IGFBPL1: variants seen among roughly 807,000 people sequenced by gnomAD.
The protein encoded by IGFBPL1 is insulin-like growth factor-binding protein-like 1.
In IGFBPL1, 20 loss-of-function variants were observed where a neutral mutation model predicts 23.9. That is an observed-to-expected ratio of 0.84 (90% CI 0.59 to 1.22). The LOEUF (loss-of-function observed/expected upper bound fraction) is 1.22, where lower values mean the gene tolerates loss of function less well. Among genes scored for constraint, IGFBPL1 ranks in the 50% most tolerant of loss-of-function variants. The pLI, the probability that IGFBPL1 is intolerant of heterozygous loss-of-function variation, is 0.00. For missense variants in IGFBPL1, 436 were observed against 379.3 expected (o/e 1.15, Z -1.24); for synonymous variants, 184 against 171.8 (o/e 1.07, Z -0.56).
intron 2 of IGFBPL1, 59 bp downstream of exon 2, chr9:38,414,035 A>ACT: frequency 2.1e-6 from 1 of 479,796 alleles, no homozygotes; most frequent in Admixed American, 4.2e-5. Flanking sequence ...CCTCTTTCTC[A>ACT]CACACACACA....
intron 1 of IGFBPL1, 100 bp from the exon 2 acceptor site, chr9:38,414,303 G>T: frequency 1.5e-6 from 1 of 664,010 alleles, no homozygotes; most frequent in South Asian, 1.8e-5. Context: ...GTGATGTCCT[G>T]ACATGAGGGG....
At chr9:38,411,207 G>C (rs1428365789) in intron 4 of IGFBPL1, among the ~76,000 whole-genome samples, 184 bp downstream of exon 4, 1 of 152,186 alleles carries the variant, frequency 6.6e-6, no homozygotes, top group Non-Finnish European at 1.5e-5. Context: ...AGCTCAGAGG[G>C]AGATGTGTGC....
intron 4 of IGFBPL1, among the ~76,000 whole-genome samples, chr9:38,411,042 A>C (rs2118298876): frequency 6.6e-6 from 1 of 152,202 alleles, no homozygotes; most frequent in Non-Finnish European, 1.5e-5. Flanking sequence ...ACATTTTCAC[A>C]TGGACGCTGT....
Position 38,407,247 on chromosome 9 carries a change from T to C in IGFBPL1, c.*1980A>G, listed in dbSNP as rs1821440953. On this transcript the variant is annotated 3_prime_UTR_variant, in exon 5 of 5. Coordinates refer to ENST00000377694, the MANE Select transcript of IGFBPL1 (RefSeq NM_001007563.3). ...CCATTTCAATTCTCATCTTTTGTTT[T>C]CAAAGAGAGCTTCCAGTGTTTTAAA... Among the ~76,000 whole-genome samples the C allele has an allele frequency of 6.6e-6, 1 of 152,236 alleles. No individual in the cohort carries two copies. The highest frequency in any genetic ancestry group is 2.1e-4 in the South Asian group (1 of 4,836).
chr9:38,413,885 G>C (rs1402450178), intron 2 of IGFBPL1, among the ~76,000 whole-genome samples: 1 of 152,152 alleles, frequency 6.6e-6, no homozygotes, highest in Non-Finnish European at 1.5e-5. Context: ...CTTCCAAGGG[G>C]AGAGGTTTGG....
Position 38,408,298 on chromosome 9 carries a change from C to T in IGFBPL1, c.*929G>A, listed in dbSNP as rs1189212079. Among the ~76,000 whole-genome samples the T allele has an allele frequency of 7.0e-6, 1 of 143,482 alleles. No individual in the cohort carries two copies. Among genetic ancestry groups the T allele is most frequent in the Non-Finnish European group, 1.5e-5 (1 of 65,670 alleles). 94.1% of individuals were successfully genotyped at this position (143,482 alleles called of 152,430 possible). On this transcript the variant is annotated 3_prime_UTR_variant, in exon 5 of 5. Transcript: ENST00000377694. ...AAAAAAATAGCTGGGTGTGGTGGGG[C>T]ATGCCTGTGGTCCCAGCTACTCAGG...
At chr9:38,418,030 T>C (rs12378510) in intron 1 of IGFBPL1, among the ~76,000 whole-genome samples, 43,883 of 152,156 alleles carry the variant, frequency 0.29, 6,468 homozygotes, top group South Asian at 0.31. Context: ...GAGGATATGG[T>C]CGCAGGCCTG....
At position 38,413,366 on chromosome 9, in the gene IGFBPL1, G is replaced by C. The variant is rs200524351; in HGVS notation, c.571-13C>G. 6.5e-6 allele frequency: 10 copies of C among 1,545,450 alleles called. No individual in the cohort carries two copies. Among genetic ancestry groups the C allele is most frequent in the South Asian group, 4.5e-5 (4 of 88,750 alleles). The stretch of plus-strand genomic sequence containing the variant: ...GGGACTTCGTGACCTACAGGGGACA[G>C]GAATGCCAGGAGGGGGCTTAGAAAA... On this transcript the variant is annotated splice_polypyrimidine_tract_variant and intron_variant, in intron 2 of 4. Transcript: ENST00000377694.
chr9:38,415,062 A>G (rs1821580800), intron 1 of IGFBPL1, among the ~76,000 whole-genome samples: 1 of 152,234 alleles, frequency 6.6e-6, no homozygotes, highest in African/African-American at 2.4e-5. Flanking sequence ...GTGTTGGGCA[A>G]CGTGCAGTGT....
chr9:38,406,926 C>G lies in IGFBPL1; in HGVS notation c.*2301G>C, dbSNP rs765074501. On this transcript the variant is annotated 3_prime_UTR_variant, in exon 5 of 5. Transcript: ENST00000377694. ...GCCCTTCAGTTTTCACTAGGCAAAT[C>G]TGAGGTGAGTCAACTGAGTTTGCAA... Among the ~76,000 whole-genome samples the G allele has an allele frequency of 6.6e-6, 1 of 152,246 alleles. No homozygotes were observed. Among genetic ancestry groups the G allele is most frequent in the Non-Finnish European group, 1.5e-5 (1 of 68,050 alleles).
intron 3 of IGFBPL1, among the ~76,000 whole-genome samples, chr9:38,412,576 C>T (rs770035585): frequency 2.6e-5 from 4 of 152,182 alleles, no homozygotes; most frequent in Non-Finnish European, 4.4e-5. Context: ...TGTACTAGTT[C>T]CTTGGGCTGC....
Position 38,411,651 on chromosome 9 carries a change from G to T in IGFBPL1, c.688-102C>A, listed in dbSNP as rs1821514923. ...AAGTCTGCACACTTCCTCCTTTTCAGAATAAGGTAAAACTTGCTCTATTTC... is the reference window on the plus strand; with the variant it reads ...AAGTCTGCACACTTCCTCCTTTTCATAATAAGGTAAAACTTGCTCTATTTC... On this transcript the variant is annotated intron_variant, in intron 3 of 4. Coordinates refer to ENST00000377694, the MANE Select transcript of IGFBPL1 (RefSeq NM_001007563.3). 2.9e-6 allele frequency: 3 copies of T among 1,032,278 alleles called. No homozygotes were observed. In the South Asian group the frequency reaches 4.8e-5, roughly 16 times the overall value. The allele number at this position is 1,032,278 out of a possible 1,614,324, so 63.9% of individuals were successfully genotyped here. A position where few individuals can be genotyped will look rare whatever the true frequency, so the allele number is the denominator to read the frequency against.
In IGFBPL1 at chr9:38,424,106, C is replaced by G. The variant is rs922949764; in HGVS notation, c.319G>C (p.Val107Leu). 2.2e-6 allele frequency: 3 copies of G among 1,351,250 alleles called. No individual in the cohort carries two copies. The highest frequency in any genetic ancestry group is 1.9e-6 in the Non-Finnish European group (2 of 1,053,338). 83.7% of individuals were successfully genotyped at this position (1,351,250 alleles called of 1,614,324 possible). ...CAGACGGTGCCGCGCTGCGCGCACA[C>G]GCAGAGCCCGGTGCCCTCGGGCGCT... Reference protein sequence around the residue: ...GAAPEGTGLCVCAQRGTVCGS... With the variant: ...GAAPEGTGLCLCAQRGTVCGS... The change falls in exon 1 of 5, where the codon GTG becomes CTG. Residue 107 changes from valine to leucine, a missense_variant. Physicochemically the swap from Val to Leu is conservative, Grantham distance 32. Transcript: ENST00000377694.
At position 38,407,930 on chromosome 9, in the gene IGFBPL1, T is replaced by TA. The variant is rs1821451430; in HGVS notation, c.*1296_*1297insT. Among the ~76,000 whole-genome samples the TA allele has an allele frequency of 6.8e-6, 1 of 147,248 alleles. No homozygotes were observed. The highest frequency in any genetic ancestry group is 2.5e-5 in the African/African-American group (1 of 40,280). ...TTTTTTTAAGATAAGATAGCAAATA[T>TA]TCTCCTTTCTTTTTTCATTAAAAAA... On this transcript the variant is annotated 3_prime_UTR_variant, in exon 5 of 5. Coordinates refer to ENST00000377694, the MANE Select transcript of IGFBPL1 (RefSeq NM_001007563.3).
intron 3 of IGFBPL1, among the ~76,000 whole-genome samples, chr9:38,412,769 G>C (rs961874959): frequency 1.2e-4 from 18 of 152,174 alleles, no homozygotes; most frequent in Non-Finnish European, 2.1e-4. Context: ...GGCACTCCTT[G>C]GCTGTGGCCC....
At chr9:38,423,462 C>G (rs1390761713) in intron 1 of IGFBPL1, among the ~76,000 whole-genome samples, 1 of 152,084 alleles carries the variant, frequency 6.6e-6, no homozygotes, top group African/African-American at 2.4e-5. Context: ...CTTCCCACAC[C>G]GGGGGCCCTG....
Position 38,414,028 on chromosome 9 carries a change from C to T in IGFBPL1, c.570+66G>A, listed in dbSNP as rs78920078. 287 of 907,826 alleles carry T rather than the reference C, an allele frequency of 3.2e-4. 4 individuals carry two copies. Among genetic ancestry groups the T allele is most frequent in the Admixed American group, 2.6e-3 (117 of 44,270 alleles). The allele number at this position is 907,826 out of a possible 1,614,324, so 56.2% of individuals were successfully genotyped here. On this transcript the variant is annotated intron_variant, in intron 2 of 4. Coordinates refer to ENST00000377694, the MANE Select transcript of IGFBPL1 (RefSeq NM_001007563.3). ...TTACCACTCACGTCTGTTTCTCCCT[C>T]TTTCTCACACACACACACACACACA...
chr9:38,412,549 G>A (rs534722328), intron 3 of IGFBPL1, among the ~76,000 whole-genome samples: 25 of 152,316 alleles, frequency 1.6e-4, no homozygotes, highest in South Asian at 4.1e-4. Flanking sequence ...CTTTACCAGC[G>A]GGTGACCTTA....
chr9:38,411,586 AG>A, intron 3 of IGFBPL1, 37 bp from the exon 4 acceptor site: 1 of 1,577,440 alleles, frequency 6.3e-7, no homozygotes, highest in Non-Finnish European at 8.7e-7. Flanking sequence ...CAGTTATATA[AG>A]GAACAGCAAA....
Sources: gnomAD v4.1 joint callset for allele counts (sites outside exome capture counted in the v4.1 genomes callset) on GRCh38, gnomAD v4.1.1 for gene constraint, MANE v1.5 for transcripts, NCBI Gene and HGNC (gene_info 2026-07-23, HGNC 2026-07-21) for gene names.